SHLD2: variants seen among roughly 807,000 people sequenced by gnomAD.
SHLD2 encodes shieldin complex subunit 2.
SHLD2 carries 30 observed loss-of-function variants against 73.2 expected under a neutral mutation model. The observed-to-expected ratio is 0.41, with a 90% confidence interval of 0.31 to 0.56. SHLD2 has a LOEUF of 0.56. Among genes scored for constraint, SHLD2 ranks in the 20% least tolerant of loss-of-function variants. The pLI is 0.28. For synonymous variants in SHLD2, 285 were observed against 370.1 expected (o/e 0.77, Z 2.64); for missense variants, 745 against 1,055.9 (o/e 0.71, Z 4.08).
chr10:87,116,341 TGGAAAAA>T (rs1173869348), intron 2 of SHLD2, among the ~76,000 whole-genome samples: 14 of 150,462 alleles, frequency 9.3e-5, no homozygotes, highest in Admixed American at 2.7e-4. Context: ...ATATGCTAAA[TGGAAAAA>T]GGAAAAAGGA....
At position 87,191,447 on chromosome 10, in the gene SHLD2, A is replaced by T. The variant is rs1472982631; in HGVS notation, c.*764A>T. On this transcript the variant is annotated 3_prime_UTR_variant, in exon 10 of 10. Transcript: ENST00000298786. The stretch of plus-strand genomic sequence containing the variant: ...ATAGATTATCATATTGCCTGAAAAT[A>T]AATTCATGATGACATGAACAAGCTT... 6.6e-6 allele frequency: 1 copy of T among 152,330 alleles called. No homozygotes were observed. The highest frequency in any genetic ancestry group is 2.4e-5 in the African/African-American group (1 of 41,462). 9.4% of individuals were successfully genotyped at this position (152,330 alleles called of 1,614,324 possible). A position where few individuals can be genotyped will look rare whatever the true frequency, so the allele number is the denominator to read the frequency against.
intron 2 of SHLD2, among the ~76,000 whole-genome samples, chr10:87,148,043 A>G (rs1478877786): frequency 6.6e-6 from 1 of 151,950 alleles, no homozygotes; most frequent in Non-Finnish European, 1.5e-5. Flanking sequence ...TTTTTACAGG[A>G]TTTTACCATG....
rs1338122095 is a variant in SHLD2 at position 87,151,537 on chromosome 10, C to G, written c.183C>G (p.Asn61Lys). ...AAAAACAGCACAAAAATCTTGAAAA[C>G]TATAAAGTCCCAGAATCTATTGGTT... ...KDEKQHKNLE[N>K]YKVPESIGSP... Residue 61 changes from asparagine to lysine, a missense_variant, in exon 3 of 10, where the codon AAC becomes AAG. By Grantham distance (94) the Asn-to-Lys change is moderately conservative. Around this residue, in one of 5 missense-constraint regions of SHLD2, gnomAD observed 280 missense variants for 353.9 expected, o/e 0.79. Coordinates refer to ENST00000298786, the MANE Select transcript of SHLD2 (RefSeq NM_001330112.2). 41 of 1,611,098 alleles carry G rather than the reference C, an allele frequency of 2.5e-5. No homozygotes were observed. The highest frequency in any genetic ancestry group is 3.2e-5 in the Non-Finnish European group (38 of 1,179,650).
At chr10:87,129,373 T>G (rs3129527) in intron 2 of SHLD2, among the ~76,000 whole-genome samples, 76,535 of 151,978 alleles carry the variant, frequency 0.5, 19,923 homozygotes, top group East Asian at 0.82. Context: ...TTATGGGCGT[T>G]AGCCACCGTG....
intron 2 of SHLD2, among the ~76,000 whole-genome samples, chr10:87,109,180 A>G (rs539820125): frequency 6.6e-6 from 1 of 152,292 alleles, no homozygotes; most frequent in African/African-American, 2.4e-5. Flanking sequence ...ATTAGGTGCA[A>G]GGTTTTACTA....
At chr10:87,174,616 A>G (rs1196831485) in intron 6 of SHLD2, among the ~76,000 whole-genome samples, 4 of 151,942 alleles carry the variant, frequency 2.6e-5, no homozygotes, top group Non-Finnish European at 5.9e-5. Flanking sequence ...GGAGATGAGC[A>G]GGTGTAGTAA....
At chr10:87,101,448 A>G (rs1158764844) in intron 2 of SHLD2, among the ~76,000 whole-genome samples, 1 of 152,198 alleles carries the variant, frequency 6.6e-6, no homozygotes, top group Non-Finnish European at 1.5e-5. Context: ...TTATTAAGAG[A>G]TAGGGTCTTA....
At chr10:87,096,515 A>C (rs560552540) in intron 1 of SHLD2, among the ~76,000 whole-genome samples, 4 of 152,216 alleles carry the variant, frequency 2.6e-5, no homozygotes, top group Non-Finnish European at 5.9e-5. Flanking sequence ...TTGGGGGCCA[A>C]AGCAGGCTGA....
intron 2 of SHLD2, among the ~76,000 whole-genome samples, chr10:87,138,696 G>C (rs1844976031): frequency 6.6e-6 from 1 of 152,108 alleles, no homozygotes; most frequent in African/African-American, 2.4e-5. Context: ...ACACAAACAG[G>C]GATACCATAA....
intron 2 of SHLD2, among the ~76,000 whole-genome samples, chr10:87,111,640 CAA>C (rs972282870): frequency 1.5e-4 from 10 of 66,870 alleles, no homozygotes; most frequent in Non-Finnish European, 1.7e-4. Flanking sequence ...GAGTCTGTCT[CAA>C]AAAAAAAAAA....
intron 6 of SHLD2, among the ~76,000 whole-genome samples, chr10:87,172,268 C>A (rs994826621): frequency 6.6e-6 from 1 of 152,132 alleles, no homozygotes; most frequent in African/African-American, 2.4e-5. Flanking sequence ...TTAAGTAATT[C>A]TATTTTCCTG....
chr10:87,109,691 C>A (rs1216673869), intron 2 of SHLD2, among the ~76,000 whole-genome samples: 1 of 152,176 alleles, frequency 6.6e-6, no homozygotes. Flanking sequence ...TCTTTGAACT[C>A]TTCCCCCAAG....
intron 3 of SHLD2, chr10:87,154,152 C>T (rs563118091): frequency 3.9e-4 from 59 of 152,026 alleles, no homozygotes; most frequent in African/African-American, 1.3e-3. Context: ...GCCACCGTGC[C>T]CATGGTATTT....
intron 2 of SHLD2, among the ~76,000 whole-genome samples, chr10:87,135,226 A>C (rs1049705446): frequency 6.6e-6 from 1 of 151,820 alleles, no homozygotes; most frequent in Admixed American, 6.6e-5. Flanking sequence ...TAATACTGAT[A>C]TATTTTCATT....
intron 2 of SHLD2, among the ~76,000 whole-genome samples, chr10:87,109,333 T>C (rs1425103123): frequency 6.6e-6 from 1 of 151,870 alleles, no homozygotes; most frequent in East Asian, 1.9e-4. Context: ...AGTTTCATTC[T>C]TGTTGCTCAG....
At chr10:87,095,930 C>G (rs994242555) in intron 1 of SHLD2, among the ~76,000 whole-genome samples, 4 of 152,206 alleles carry the variant, frequency 2.6e-5, no homozygotes, top group African/African-American at 9.6e-5. Flanking sequence ...GACCCTATCT[C>G]CCTCTGAAAT....
intron 2 of SHLD2, among the ~76,000 whole-genome samples, chr10:87,100,724 C>T (rs571872856): frequency 2.6e-5 from 4 of 152,110 alleles, no homozygotes; most frequent in Non-Finnish European, 4.4e-5. Flanking sequence ...GTGATCCGCC[C>T]GCCTCGGCCT....
At chr10:87,186,108 T>A (rs1848604274) in intron 8 of SHLD2, among the ~76,000 whole-genome samples, 1 of 152,122 alleles carries the variant, frequency 6.6e-6, no homozygotes, top group Non-Finnish European at 1.5e-5. Context: ...CAGTCCATGA[T>A]AGATACTCAG....
At chr10:87,158,839 G>A (rs1846617045) in intron 4 of SHLD2, among the ~76,000 whole-genome samples, 1 of 152,126 alleles carries the variant, frequency 6.6e-6, no homozygotes, top group Admixed American at 6.5e-5. Context: ...TTTGAATACT[G>A]GCCCTCTTAC....
Sources: allele counts gnomAD v4.1 joint callset (sites outside exome capture counted in the v4.1 genomes callset), GRCh38; gene constraint gnomAD v4.1.1; regional missense constraint gnomAD v4.1.1; transcripts MANE v1.5; gene names NCBI Gene and HGNC (gene_info 2026-07-23, HGNC 2026-07-21).